The following NKAIN2 variants were observed in gnomAD, a reference collection of about 807,000 sequenced individuals.
NKAIN2 encodes the protein sodium/potassium transporting ATPase interacting 2, also known as sodium/potassium-transporting ATPase subunit beta-1-interacting protein 2.
A neutral mutation model predicts 32.6 loss-of-function variants in NKAIN2; 14 were observed. The observed-to-expected ratio is 0.43, with a 90% CI of 0.28 to 0.67. The LOEUF (loss-of-function observed/expected upper bound fraction) is 0.67, where lower values mean the gene tolerates loss of function less well. NKAIN2 is among the 30% of genes least tolerant of loss of function. The probability of loss-of-function intolerance (pLI) is 0.17; values close to 1 mark genes in which losing one functional copy is unlikely to be tolerated. For missense variants in NKAIN2, 198 were observed against 258.3 expected, an observed-to-expected ratio of 0.77 and a Z score of 1.60; for synonymous variants, 80 against 87.2, an observed-to-expected ratio of 0.92 and a Z score of 0.46.
chr6:124,191,632 A>G (rs950800506), intron 1 of NKAIN2, among the ~76,000 whole-genome samples: 1 of 152,102 alleles, frequency 6.6e-6, no homozygotes, highest in Non-Finnish European at 1.5e-5. Flanking sequence ...CTTCCACTAC[A>G]ATGTAAATAG....
rs145760006 is a variant in NKAIN2 at position 124,525,047 on chromosome 6, G to A, written c.274-133139G>A. On this transcript the variant is annotated intron_variant, in intron 3 of 6. Coordinates refer to ENST00000368417, the MANE Select transcript of NKAIN2 (RefSeq NM_001040214.3). ...CAGTAAAGCGATACAATTGGTTTCT[G>A]AAGAAAAAAGCCAAGCTTCTTTTTA... 1.1e-3 allele frequency among the ~76,000 whole-genome samples: 170 copies of A among 152,266 alleles called. 1 individual carries two copies. The highest frequency in any genetic ancestry group is 4.0e-3 in the African/African-American group (166 of 41,562).
intron 1 of NKAIN2, among the ~76,000 whole-genome samples, chr6:124,230,626 G>C (rs9320984): frequency 0.7 from 106,788 of 152,040 alleles, 37,669 homozygotes; most frequent in South Asian, 0.76. Flanking sequence ...ATGTCCCAGC[G>C]ACTCCAGTCA....
intron 3 of NKAIN2, among the ~76,000 whole-genome samples, chr6:124,657,123 T>C (rs1190443577): frequency 3.9e-5 from 6 of 152,220 alleles, no homozygotes; most frequent in Admixed American, 2.6e-4. Context: ...ATATGTTCAA[T>C]GTGAGTGTGT....
chr6:124,143,377 T>C (rs924230171), intron 1 of NKAIN2, among the ~76,000 whole-genome samples: 1 of 152,116 alleles, frequency 6.6e-6, no homozygotes, highest in Non-Finnish European at 1.5e-5. Flanking sequence ...AGGAGGATCA[T>C]TTGAGCCCAG....
chr6:124,504,734 T>C (rs76158835), intron 3 of NKAIN2, among the ~76,000 whole-genome samples: 9,181 of 152,294 alleles, frequency 0.06, 336 homozygotes, highest in East Asian at 0.15. Context: ...AGTATGTATG[T>C]ATTAGATCTT....
At chr6:124,753,186 C>T (rs918907607) in intron 4 of NKAIN2, among the ~76,000 whole-genome samples, 1 of 152,006 alleles carries the variant, frequency 6.6e-6, no homozygotes, top group African/African-American at 2.4e-5. Context: ...AGTGATTGTA[C>T]CAAAATGGGC....
chr6:124,092,871 A>G (rs1184561295), intron 1 of NKAIN2, among the ~76,000 whole-genome samples: 2 of 152,010 alleles, frequency 1.3e-5, no homozygotes, highest in Non-Finnish European at 2.9e-5. Flanking sequence ...ACCATTTCCA[A>G]ATCATCAACC....
chr6:124,178,347 G>A (rs897972425), intron 1 of NKAIN2, among the ~76,000 whole-genome samples: 14 of 150,934 alleles, frequency 9.3e-5, no homozygotes, highest in Non-Finnish European at 1.5e-4. Context: ...GCCCAGGCTG[G>A]AGCGCAGTGG....
At chr6:124,087,908 T>C (rs1434636808) in intron 1 of NKAIN2, among the ~76,000 whole-genome samples, 1 of 152,010 alleles carries the variant, frequency 6.6e-6, no homozygotes, top group East Asian at 1.9e-4. Flanking sequence ...AATTTTATTA[T>C]AGTGGAATAT....
chr6:124,132,213 T>C (rs1208932562), intron 1 of NKAIN2, among the ~76,000 whole-genome samples: 2 of 152,148 alleles, frequency 1.3e-5, no homozygotes, highest in Admixed American at 1.3e-4. Flanking sequence ...CATAAACCCA[T>C]TGGCCTGAGA....
At chr6:124,675,933 ATCTT>A (rs1773337346) in intron 4 of NKAIN2, among the ~76,000 whole-genome samples, 3 of 150,570 alleles carry the variant, frequency 2.0e-5, no homozygotes, top group Admixed American at 2.0e-4. Flanking sequence ...TTTGTTTAAT[ATCTT>A]TCTTCTTTTT....
At chr6:124,817,282 G>A (rs1260182233) in intron 5 of NKAIN2, among the ~76,000 whole-genome samples, 2 of 151,922 alleles carry the variant, frequency 1.3e-5, no homozygotes, top group African/African-American at 4.8e-5. Flanking sequence ...TAGTATCAGT[G>A]TATTTTATGT....
intron 1 of NKAIN2, among the ~76,000 whole-genome samples, chr6:124,188,594 A>G (rs1789863425): frequency 6.6e-6 from 1 of 152,216 alleles, no homozygotes; most frequent in Non-Finnish European, 1.5e-5. Flanking sequence ...TTTCATGTGA[A>G]TTTGTATGTA....
At chr6:124,581,949 A>T (rs1261991923) in intron 3 of NKAIN2, among the ~76,000 whole-genome samples, 1 of 152,180 alleles carries the variant, frequency 6.6e-6, no homozygotes, top group Non-Finnish European at 1.5e-5. Context: ...CTAACAATGC[A>T]TCTTAAATAA....
chr6:124,588,199 A>T (rs1213128469), intron 3 of NKAIN2, among the ~76,000 whole-genome samples: 2 of 152,172 alleles, frequency 1.3e-5, no homozygotes, highest in African/African-American at 2.4e-5. Flanking sequence ...AGCATCGTGG[A>T]GATATAATCA....
At chr6:123,957,628 A>G (rs1218411184) in intron 1 of NKAIN2, among the ~76,000 whole-genome samples, 1 of 152,116 alleles carries the variant, frequency 6.6e-6, no homozygotes, top group African/African-American at 2.4e-5. Context: ...TCCTAACACA[A>G]TCTTTGTTTT....
At chr6:124,427,737 T>C (rs1775042582) in intron 3 of NKAIN2, among the ~76,000 whole-genome samples, 1 of 152,122 alleles carries the variant, frequency 6.6e-6, no homozygotes, top group Admixed American at 6.5e-5. Flanking sequence ...ACGCTTAATA[T>C]ATAGGAAGAG....
chr6:124,668,364 C>T (rs1266810184), intron 4 of NKAIN2, among the ~76,000 whole-genome samples: 1 of 152,050 alleles, frequency 6.6e-6, no homozygotes, highest in African/African-American at 2.4e-5. Context: ...TTCCATTCTC[C>T]TTTATTGATT....
intron 1 of NKAIN2, among the ~76,000 whole-genome samples, chr6:123,887,427 C>G (rs1486110270): frequency 6.6e-6 from 1 of 152,122 alleles, no homozygotes; most frequent in Non-Finnish European, 1.5e-5. Flanking sequence ...CATATTGCAG[C>G]CATTTTCCAC....
Sources: allele counts gnomAD v4.1 joint callset (sites outside exome capture counted in the v4.1 genomes callset), GRCh38; gene constraint gnomAD v4.1.1; transcripts MANE v1.5; gene names NCBI Gene and HGNC (gene_info 2026-07-23, HGNC 2026-07-21).